Variants in BACH2 observed in about 807,000 individuals in gnomAD.
The protein encoded by BACH2 is BACH transcriptional regulator 2, also known as transcription regulator protein BACH2.
A neutral mutation model predicts 61.8 loss-of-function variants in BACH2; 5 were observed. That is an observed-to-expected ratio of 0.08 (90% confidence interval 0.04 to 0.17). The LOEUF (loss-of-function observed/expected upper bound fraction) is 0.17, where lower values mean the gene tolerates loss of function less well. Among genes scored for constraint, BACH2 ranks in the 10% least tolerant of loss-of-function variants. BACH2 has a pLI of 1.00. For synonymous variants in BACH2, 446 were observed against 440.1 expected (o/e 1.01, Z -0.17); for missense variants, 824 against 1,091.1 (o/e 0.76, Z 3.45).
At chr6:90,002,235 T>A (rs569315997) in intron 6 of BACH2, among the ~76,000 whole-genome samples, 1 of 152,336 alleles carries the variant, frequency 6.6e-6, no homozygotes, top group African/African-American at 2.4e-5. Flanking sequence ...CTCCTCTTCA[T>A]CTCCCTGACC....
At chr6:90,059,643 A>G (rs1438247475) in intron 5 of BACH2, among the ~76,000 whole-genome samples, 1 of 152,164 alleles carries the variant, frequency 6.6e-6, no homozygotes, top group Non-Finnish European at 1.5e-5. Flanking sequence ...CCAAAGGATT[A>G]TAAATCATGC....
chr6:90,127,139 T>C (rs1436293175), intron 4 of BACH2, among the ~76,000 whole-genome samples: 2 of 152,236 alleles, frequency 1.3e-5, no homozygotes, highest in Non-Finnish European at 2.9e-5. Context: ...GTTGACACAG[T>C]TATACGTTGT....
chr6:90,277,979 A>C (rs1771746996), intron 1 of BACH2, among the ~76,000 whole-genome samples: 1 of 152,256 alleles, frequency 6.6e-6, no homozygotes, highest in Non-Finnish European at 1.5e-5. Flanking sequence ...CATAACTGGC[A>C]AGATAATATT....
At chr6:90,230,593 G>A (rs188777216) in intron 3 of BACH2, among the ~76,000 whole-genome samples, 14 of 152,272 alleles carry the variant, frequency 9.2e-5, no homozygotes, top group Middle Eastern at 3.4e-3. Flanking sequence ...TAAAAGGTAT[G>A]GGGATAAGAA....
chr6:90,110,434 C>T (rs905644756), intron 4 of BACH2, among the ~76,000 whole-genome samples: 1 of 152,192 alleles, frequency 6.6e-6, no homozygotes, highest in East Asian at 1.9e-4. Context: ...AATACTTGTT[C>T]ACTAAGTTCG....
chr6:90,002,254 C>T (rs979456276), intron 6 of BACH2, among the ~76,000 whole-genome samples: 3 of 152,194 alleles, frequency 2.0e-5, no homozygotes, highest in Non-Finnish European at 2.9e-5. Context: ...CCTGTTAATT[C>T]GAGAAAGCTC....
chr6:90,070,085 C>G (rs1036724232), intron 5 of BACH2, among the ~76,000 whole-genome samples: 1 of 152,108 alleles, frequency 6.6e-6, no homozygotes, highest in South Asian at 2.1e-4. Flanking sequence ...TCATCCAGTT[C>G]AAAGCCACCT....
intron 4 of BACH2, among the ~76,000 whole-genome samples, chr6:90,201,065 C>G (rs1768941237): frequency 6.6e-6 from 1 of 152,100 alleles, no homozygotes; most frequent in South Asian, 2.1e-4. Flanking sequence ...TTATGTCACT[C>G]AGTATTCCTC....
intron 1 of BACH2, 124 bp downstream of exon 1, chr6:90,296,356 G>C (rs1289115338): frequency 6.6e-6 from 1 of 150,850 alleles, no homozygotes; most frequent in Non-Finnish European, 1.5e-5. Context: ...CCCGGCGGCC[G>C]GGGCTCCCTT....
At chr6:90,113,151 T>C (rs1783249691) in intron 4 of BACH2, among the ~76,000 whole-genome samples, 1 of 152,182 alleles carries the variant, frequency 6.6e-6, no homozygotes, top group African/African-American at 2.4e-5. Flanking sequence ...CACACAATAG[T>C]TGTGGGAGAC....
chr6:90,139,360 C>T (rs1238015109), intron 4 of BACH2, among the ~76,000 whole-genome samples: 2 of 152,130 alleles, frequency 1.3e-5, no homozygotes, highest in Admixed American at 6.5e-5. Flanking sequence ...AGACCTAACA[C>T]GTGATCATAA....
intron 6 of BACH2, among the ~76,000 whole-genome samples, chr6:89,955,773 G>A (rs1458527480): frequency 6.6e-6 from 1 of 152,072 alleles, no homozygotes; most frequent in East Asian, 1.9e-4. Flanking sequence ...AAATATTCAG[G>A]TACCAGTGAA....
At chr6:90,031,468 C>T (rs373626090) in intron 5 of BACH2, among the ~76,000 whole-genome samples, 1 of 152,062 alleles carries the variant, frequency 6.6e-6, no homozygotes, top group Non-Finnish European at 1.5e-5. Context: ...TCTTCTCAGC[C>T]CAAAATCTCC....
chr6:90,220,852 C>G (rs1263916437), intron 3 of BACH2, among the ~76,000 whole-genome samples: 1 of 152,146 alleles, frequency 6.6e-6, no homozygotes, highest in Non-Finnish European at 1.5e-5. Flanking sequence ...TCATAGTTAA[C>G]TACCTGGTTT....
chr6:90,131,506 TAATGGCCCA>T (rs1387268428), intron 4 of BACH2, among the ~76,000 whole-genome samples: 1 of 152,174 alleles, frequency 6.6e-6, no homozygotes, highest in Non-Finnish European at 1.5e-5. Flanking sequence ...TTCCTGCTTC[TAATGGCCCA>T]AATCTCAGCG....
At chr6:90,133,294 T>A (rs1784139816) in intron 4 of BACH2, among the ~76,000 whole-genome samples, 1 of 151,920 alleles carries the variant, frequency 6.6e-6, no homozygotes, top group Non-Finnish European at 1.5e-5. Context: ...AATGCAAGAG[T>A]AAACTCAGCA....
intron 4 of BACH2, among the ~76,000 whole-genome samples, chr6:90,201,183 T>C (rs1441685578): frequency 6.6e-6 from 1 of 152,198 alleles, no homozygotes; most frequent in African/African-American, 2.4e-5. Context: ...AACACATCCA[T>C]GGCGGTTCTC....
intron 4 of BACH2, among the ~76,000 whole-genome samples, chr6:90,137,698 G>A (rs1341151225): frequency 1.3e-5 from 2 of 152,066 alleles, no homozygotes; most frequent in African/African-American, 2.4e-5. Flanking sequence ...TGGCTTTTAC[G>A]GAGAACAGTT....
intron 5 of BACH2, among the ~76,000 whole-genome samples, chr6:90,023,168 AC>A (rs1015112462): frequency 6.6e-6 from 1 of 152,182 alleles, no homozygotes; most frequent in African/African-American, 2.4e-5. Flanking sequence ...TGGATAAAAA[AC>A]ATCTAGGGAT....
Sources: gnomAD v4.1 joint callset for allele counts (sites outside exome capture counted in the v4.1 genomes callset) on GRCh38, gnomAD v4.1.1 for gene constraint, MANE v1.5 for transcripts, NCBI Gene and HGNC (gene_info 2026-07-23, HGNC 2026-07-21) for gene names.